Variants in PON2 observed in about 807,000 individuals in gnomAD.
The protein encoded by PON2 is serum paraoxonase/arylesterase 2.
A neutral mutation model predicts 36.6 loss-of-function variants in PON2; 27 were observed. The observed-to-expected ratio is 0.74, with a 90% CI of 0.54 to 1.02. The LOEUF (loss-of-function observed/expected upper bound fraction) is 1.02, where lower values mean the gene tolerates loss of function less well. Among genes scored for constraint, PON2 ranks in the 50% least tolerant of loss-of-function variants. The pLI, the probability that PON2 is intolerant of heterozygous loss-of-function variation, is 0.00. For missense variants in PON2, 363 were observed against 421.1 expected, an observed-to-expected ratio of 0.86 and a Z score of 1.21; for synonymous variants, 149 against 156.3, an observed-to-expected ratio of 0.95 and a Z score of 0.35.
intron 4 of PON2, 115 bp from the exon 5 acceptor site, chr7:95,411,894 C>T (rs533796560): frequency 9.3e-6 from 10 of 1,077,084 alleles, no homozygotes; most frequent in Middle Eastern, 3.0e-4. Flanking sequence ...AGCTGTTAGA[C>T]GACCTAACAG....
intron 2 of PON2, chr7:95,424,155 C>T: frequency 3.2e-6 from 1 of 312,558 alleles, no homozygotes; most frequent in South Asian, 3.3e-5. Flanking sequence ...GCTGTCACTG[C>T]CTACATAAAG....
In PON2 at chr7:95,435,020, CGGCTCGAT is replaced by C. The variant is rs1789534900; in HGVS notation, c.-77_-70del. The C allele has an allele frequency of 7.0e-7, 1 of 1,438,424 alleles. No homozygotes were observed. Among genetic ancestry groups the C allele is most frequent in the Non-Finnish European group, 9.2e-7 (1 of 1,090,286 alleles). The allele number at this position is 1,438,424 out of a possible 1,614,324, so 89.1% of individuals were successfully genotyped here. On this transcript the variant is annotated 5_prime_UTR_variant, in exon 1 of 9. Coordinates refer to ENST00000222572, the MANE Select transcript of PON2 (RefSeq NM_000305.3). ...AGCTCCGTGGGCGGTGCCATCTTCC[CGGCTCGAT>C]GGTGCCGGCCGCGCTCCGCCCCGTC...
intron 2 of PON2, chr7:95,418,262 G>C (rs1359055035): frequency 6.6e-6 from 1 of 152,122 alleles, no homozygotes; most frequent in East Asian, 1.9e-4. Flanking sequence ...CAAGTACCAG[G>C]CTCCTTGTAA....
chr7:95,429,318 A>C (rs1789386781), intron 1 of PON2, among the ~76,000 whole-genome samples: 1 of 152,070 alleles, frequency 6.6e-6, no homozygotes, highest in African/African-American at 2.4e-5. Context: ...TTTGCTAAGA[A>C]TGACGGTTTC....
At position 95,411,799 on chromosome 7, in the gene PON2, G is replaced by T. The variant is rs749851428; in HGVS notation, c.368-20C>A. The T allele has an allele frequency of 1.6e-5, 25 of 1,612,454 alleles. No individual in the cohort carries two copies. The highest frequency in any genetic ancestry group is 2.1e-5 in the Non-Finnish European group (25 of 1,179,024). Reference sequence around the variant, plus strand: ...TGTCATCTAAAGAATTGAAAGAACAGAGTTAATTTACAAGACATAACTACG... The same window carrying T: ...TGTCATCTAAAGAATTGAAAGAACATAGTTAATTTACAAGACATAACTACG... On this transcript the variant is annotated intron_variant, in intron 4 of 8. Transcript: ENST00000222572.
rs548622321 is a variant in PON2, at chr7:95,433,318, A to G, written c.74+1560T>C. 2.0e-5 allele frequency among the ~76,000 whole-genome samples: 3 copies of G among 152,156 alleles called. No homozygotes were observed. In the South Asian group the frequency reaches 6.2e-4, roughly 32 times the overall value. On this transcript the variant is annotated intron_variant, in intron 1 of 8. Coordinates refer to ENST00000222572, the MANE Select transcript of PON2 (RefSeq NM_000305.3). ...TCTTGCTATGTTGCCCAGGCCTGTC[A>G]CTAACTCCTGGGCTCAAGCAATCTT...
intron 1 of PON2, among the ~76,000 whole-genome samples, chr7:95,427,275 A>G (rs145249127): frequency 1.3e-5 from 2 of 152,264 alleles, no homozygotes; most frequent in Non-Finnish European, 2.9e-5. Flanking sequence ...CCTGCTTGTT[A>G]GTGGACTTCT....
chr7:95,411,882 T>C, intron 4 of PON2, 103 bp from the exon 5 acceptor site: 1 of 1,269,848 alleles, frequency 7.9e-7, no homozygotes, highest in Non-Finnish European at 1.1e-6. Flanking sequence ...GTTGAATGTA[T>C]AAGCTGTTAG....
chr7:95,416,117 G>C, intron 3 of PON2, 125 bp downstream of exon 3: 1 of 1,501,726 alleles, frequency 6.7e-7, no homozygotes, highest in Non-Finnish European at 9.1e-7. Flanking sequence ...GATCTTGTTT[G>C]ACCTCTCTTT....
At chr7:95,409,071 G>A (rs935806036) in intron 6 of PON2, among the ~76,000 whole-genome samples, 1 of 152,038 alleles carries the variant, frequency 6.6e-6, no homozygotes, top group African/African-American at 2.4e-5. Context: ...CCAGCACTTC[G>A]GGAGGCTGAG....
chr7:95,433,955 TG>T (rs1217830329), intron 1 of PON2, among the ~76,000 whole-genome samples: 10 of 152,248 alleles, frequency 6.6e-5, no homozygotes, highest in African/African-American at 2.4e-4. Context: ...TCTCTTCCCC[TG>T]TATCAAACTC....
intron 6 of PON2, 133 bp downstream of exon 6, chr7:95,409,768 A>G: frequency 2.3e-6 from 1 of 438,994 alleles, no homozygotes; most frequent in Non-Finnish European, 4.0e-6. Context: ...TATATAGTGT[A>G]TCTATATATT....
At chr7:95,407,179 C>A (rs926042732) in intron 6 of PON2, 111 bp from the exon 7 acceptor site, 4 of 693,338 alleles carry the variant, frequency 5.8e-6, no homozygotes, top group Non-Finnish European at 1.0e-5. Flanking sequence ...CAATCATGGG[C>A]CCTCAAGGAA....
chr7:95,428,137 C>T (rs1789358007), intron 1 of PON2, among the ~76,000 whole-genome samples: 3 of 152,238 alleles, frequency 2.0e-5, no homozygotes, highest in Non-Finnish European at 4.4e-5. Flanking sequence ...TGTTTCGCAA[C>T]CACAGGGAGT....
Position 95,411,772 on chromosome 7 carries a change from T to G in PON2, c.375A>C (p.Thr125=), listed in dbSNP as rs1250709350. Residue 125 remains threonine, a synonymous_variant, in exon 5 of 9, where the codon ACA becomes ACC. Transcript: ENST00000222572. ...GGTGGTTTACAACAAAGAGATAAAC[T>G]GTGTCATCTAAAGAATTGAAAGAAC... ...GISTFIDNDD[T]VYLFVVNHPE... 1.9e-6 allele frequency: 3 copies of G among 1,613,634 alleles called. No homozygotes were observed. The highest frequency in any genetic ancestry group is 2.5e-6 in the Non-Finnish European group (3 of 1,179,702).
chr7:95,412,677 A>T (rs764538740), intron 3 of PON2, 200 bp from the exon 4 acceptor site: 6 of 600,274 alleles, frequency 1.0e-5, no homozygotes. Context: ...AATAACTGAA[A>T]AGAAGATCAG....
chr7:95,414,649 T>TA (rs1239509656), intron 3 of PON2, among the ~76,000 whole-genome samples: 1 of 151,980 alleles, frequency 6.6e-6, no homozygotes, highest in Non-Finnish European at 1.5e-5. Context: ...AATAAACAAA[T>TA]AAAAAAATCA....
chr7:95,435,021 GGCTCGAT>G lies in PON2; in HGVS notation c.-77_-71del, dbSNP rs1373357795. The stretch of plus-strand genomic sequence containing the variant: ...GCTCCGTGGGCGGTGCCATCTTCCC[GGCTCGAT>G]GGTGCCGGCCGCGCTCCGCCCCGTC... On this transcript the variant is annotated 5_prime_UTR_variant, in exon 1 of 9. Coordinates refer to ENST00000222572, the MANE Select transcript of PON2 (RefSeq NM_000305.3). 2.1e-6 allele frequency: 3 copies of G among 1,428,530 alleles called. No homozygotes were observed. Among genetic ancestry groups the G allele is most frequent in the Non-Finnish European group, 2.8e-6 (3 of 1,083,970 alleles). 88.5% of individuals were successfully genotyped at this position (1,428,530 alleles called of 1,614,324 possible).
intron 1 of PON2, among the ~76,000 whole-genome samples, chr7:95,425,847 C>T (rs1182145292): frequency 6.6e-6 from 1 of 151,422 alleles, no homozygotes; most frequent in South Asian, 2.1e-4. Context: ...AGCAATAAGG[C>T]AAAAAGTACA....
Sources: gnomAD v4.1 joint callset for allele counts (sites outside exome capture counted in the v4.1 genomes callset) on GRCh38, gnomAD v4.1.1 for gene constraint, MANE v1.5 for transcripts, NCBI Gene and HGNC (gene_info 2026-07-23, HGNC 2026-07-21) for gene names.